TRPC4AP: variants seen among roughly 807,000 people sequenced by gnomAD.
TRPC4AP encodes transient receptor potential cation channel subfamily C member 4 associated protein.
Under a neutral mutation model 99.0 loss-of-function variants are expected in TRPC4AP, and 45 were observed. That is an observed-to-expected ratio of 0.45 (90% CI 0.36 to 0.58). TRPC4AP has a LOEUF of 0.58. Among genes scored for constraint, TRPC4AP ranks in the 20% least tolerant of loss-of-function variants. The probability of loss-of-function intolerance (pLI) is 0.00; values close to 1 mark genes in which losing one functional copy is unlikely to be tolerated. For synonymous variants in TRPC4AP, 408 were observed against 385.8 expected, an observed-to-expected ratio of 1.06 and a Z score of -0.67; for missense variants, 879 against 985.3, an observed-to-expected ratio of 0.89 and a Z score of 1.44.
At chr20:35,061,450 A>G (rs1297971175) in intron 3 of TRPC4AP, among the ~76,000 whole-genome samples, 1 of 152,220 alleles carries the variant, frequency 6.6e-6, no homozygotes, top group Non-Finnish European at 1.5e-5. Context: ...TCAAAATCTC[A>G]GCTGGCTTCT....
chr20:35,009,367 T>C (rs769827499), intron 12 of TRPC4AP, among the ~76,000 whole-genome samples: 3 of 151,984 alleles, frequency 2.0e-5, no homozygotes, highest in African/African-American at 7.3e-5. Flanking sequence ...AAAAAAAAGA[T>C]TGGGAGGCCA....
chr20:35,039,157 C>T (rs895036893), intron 7 of TRPC4AP, among the ~76,000 whole-genome samples: 4 of 152,030 alleles, frequency 2.6e-5, no homozygotes, highest in African/African-American at 9.7e-5. Flanking sequence ...TGGATTTTTA[C>T]TCTTATACTT....
chr20:35,023,831 G>A (rs1383921258), intron 8 of TRPC4AP, among the ~76,000 whole-genome samples: 2 of 152,234 alleles, frequency 1.3e-5, no homozygotes, highest in African/African-American at 2.4e-5. Context: ...AAGTCCTACT[G>A]AGAAATGAAC....
chr20:35,050,991 C>A (rs951701937), intron 5 of TRPC4AP, among the ~76,000 whole-genome samples: 3 of 151,278 alleles, frequency 2.0e-5, no homozygotes, highest in Non-Finnish European at 4.4e-5. Flanking sequence ...CAGAGTGAAA[C>A]CCTATCTCTA....
intron 5 of TRPC4AP, among the ~76,000 whole-genome samples, chr20:35,050,717 A>G (rs1268376532): frequency 6.6e-6 from 1 of 151,842 alleles, no homozygotes; most frequent in African/African-American, 2.4e-5. Flanking sequence ...TAACTCAAAA[A>G]AAAAAACAAA....
intron 15 of TRPC4AP, 68 bp downstream of exon 15, chr20:35,006,367 C>G: frequency 6.4e-7 from 1 of 1,573,468 alleles, no homozygotes; most frequent in Non-Finnish European, 8.7e-7. Context: ...TAAAGCCTGG[C>G]AGACCAGGAC....
intron 1 of TRPC4AP, among the ~76,000 whole-genome samples, chr20:35,085,137 A>G (rs2084803320): frequency 6.6e-6 from 1 of 152,198 alleles, no homozygotes. Context: ...ATAGCTAAGT[A>G]TGGACACTGA....
intron 11 of TRPC4AP, 60 bp downstream of exon 11, chr20:35,012,948 G>A (rs1187616773): frequency 1.3e-6 from 2 of 1,567,798 alleles, no homozygotes; most frequent in African/African-American, 2.7e-5. Flanking sequence ...CAGACAAGGA[G>A]ATCGAGGCCT....
At chr20:35,077,739 G>C (rs909668900) in intron 2 of TRPC4AP, among the ~76,000 whole-genome samples, 12 of 152,038 alleles carry the variant, frequency 7.9e-5, no homozygotes, top group African/African-American at 2.9e-4. Context: ...TTTTCAAAAA[G>C]AATGTCATCC....
Position 35,016,034 on chromosome 20 carries a change from G to A in TRPC4AP, c.1324C>T (p.His442Tyr). ...GGGCTACAGTCACAGTTCTGGTTGT[G>A]ACCATGGAGGACAAGGGCAGATGCT... ...HSASALVLHGHNQNCDCSPDI... is the reference protein window; with the variant it reads ...HSASALVLHGYNQNCDCSPDI... The change falls in exon 10 of 19, where the codon CAC (histidine) becomes TAC (tyrosine). Residue 442 changes from histidine (H) to tyrosine (Y), a missense_variant. His to Tyr is a moderately conservative substitution (Grantham distance 83, BLOSUM62 2). Transcript: ENST00000252015. 6.2e-7 allele frequency: 1 copy of A among 1,614,180 alleles called. No individual in the cohort carries two copies. Among genetic ancestry groups the A allele is most frequent in the Non-Finnish European group, 8.5e-7 (1 of 1,180,028 alleles).
At chr20:35,003,980 C>T (rs1380670441) in intron 17 of TRPC4AP, among the ~76,000 whole-genome samples, 5 of 152,220 alleles carry the variant, frequency 3.3e-5, no homozygotes, top group East Asian at 1.9e-4. Context: ...CTAGCCTGCG[C>T]GCCTCGGTGG....
At chr20:35,021,043 G>T in intron 9 of TRPC4AP, 147 bp downstream of exon 9, 2 of 852,236 alleles carry the variant, frequency 2.3e-6, no homozygotes, top group Non-Finnish European at 1.8e-6. Context: ...TTTCCTTATA[G>T]GTAGAACAGA....
At chr20:35,060,175 G>T (rs2083960629) in intron 3 of TRPC4AP, among the ~76,000 whole-genome samples, 1 of 152,112 alleles carries the variant, frequency 6.6e-6, no homozygotes, top group Admixed American at 6.5e-5. Context: ...TTTGAGGCGA[G>T]TATTACCCTG....
chr20:35,014,208 G>A (rs1165577404), intron 10 of TRPC4AP, among the ~76,000 whole-genome samples: 2 of 152,126 alleles, frequency 1.3e-5, no homozygotes, highest in Non-Finnish European at 2.9e-5. Context: ...ATAAGGAAAA[G>A]CAGGCTGCTA....
Position 35,007,659 on chromosome 20 carries a change from C to G in TRPC4AP, c.1596-19G>C. 1 of 1,614,002 alleles carries G rather than the reference C, an allele frequency of 6.2e-7. No individual in the cohort carries two copies. Among genetic ancestry groups the G allele is most frequent in the Non-Finnish European group, 8.5e-7 (1 of 1,179,850 alleles). ...CCAAAACCTGCGACCCAAATACTGG[C>G]TCAGGTGGCTAAGGCTGCCCTCTTC... On this transcript the variant is annotated intron_variant, in intron 13 of 18. Coordinates refer to ENST00000252015, the MANE Select transcript of TRPC4AP (RefSeq NM_015638.3).
chr20:35,059,320 G>A (rs1600615113), intron 3 of TRPC4AP, among the ~76,000 whole-genome samples: 1 of 152,250 alleles, frequency 6.6e-6, no homozygotes, highest in African/African-American at 2.4e-5. Flanking sequence ...TGACCTAGAC[G>A]AAATGGACAC....
chr20:35,028,210 C>CAT (rs1569100029), intron 8 of TRPC4AP, among the ~76,000 whole-genome samples: 1 of 79,122 alleles, frequency 1.3e-5, no homozygotes, highest in Non-Finnish European at 3.0e-5. Context: ...CAAAATATTT[C>CAT]CTTTTTTTTT....
At chr20:35,004,950 G>C (rs2082486307) in intron 16 of TRPC4AP, among the ~76,000 whole-genome samples, 1 of 152,212 alleles carries the variant, frequency 6.6e-6, no homozygotes, top group Admixed American at 6.5e-5. Context: ...TCCTTCTGCA[G>C]AGGTCCTAGC....
intron 11 of TRPC4AP, among the ~76,000 whole-genome samples, chr20:35,011,687 G>A (rs2147274935): frequency 6.6e-6 from 1 of 152,344 alleles, no homozygotes; most frequent in African/African-American, 2.4e-5. Flanking sequence ...CCAGAGCCAA[G>A]CCCACATCAC....
Sources: gnomAD v4.1 joint callset for allele counts (sites outside exome capture counted in the v4.1 genomes callset) on GRCh38, gnomAD v4.1.1 for gene constraint, MANE v1.5 for transcripts, NCBI Gene and HGNC (gene_info 2026-07-23, HGNC 2026-07-21) for gene names.